Variants in MICU1 observed in about 807,000 individuals in gnomAD.
MICU1 encodes mitochondrial calcium uptake 1, also known as calcium uptake protein 1, mitochondrial.
In MICU1, 45 loss-of-function variants were observed where a neutral mutation model predicts 56.8. The observed-to-expected ratio is 0.79, with a 90% CI of 0.62 to 1.02. MICU1 has a LOEUF of 1.02. MICU1 is among the 50% of genes least tolerant of loss of function. MICU1 has a pLI of 0.00. For synonymous variants in MICU1, 186 were observed against 195.1 expected, an observed-to-expected ratio of 0.95 and a Z score of 0.39; for missense variants, 504 against 587.1, an observed-to-expected ratio of 0.86 and a Z score of 1.46.
At chr10:72,621,248 A>C (rs556010430) in intron 1 of MICU1, among the ~76,000 whole-genome samples, 1 of 152,262 alleles carries the variant, frequency 6.6e-6, no homozygotes, top group East Asian at 1.9e-4. Context: ...CTATAATCCC[A>C]GCACTTTGGC....
At chr10:72,482,545 C>A (rs1866333537) in intron 6 of MICU1, among the ~76,000 whole-genome samples, 1 of 152,078 alleles carries the variant, frequency 6.6e-6, no homozygotes, top group African/African-American at 2.4e-5. Flanking sequence ...GGAGAGGTCA[C>A]CACTTCTGAG....
intron 8 of MICU1, 95 bp downstream of exon 8, chr10:72,475,005 C>T (rs1866068276): frequency 2.8e-6 from 3 of 1,067,320 alleles, no homozygotes; most frequent in South Asian, 1.7e-5. Context: ...TCAGTTCTCA[C>T]AGCTGGAGGT....
chr10:72,424,348 G>C (rs1189529094), intron 8 of MICU1, among the ~76,000 whole-genome samples: 1 of 151,986 alleles, frequency 6.6e-6, no homozygotes, highest in Non-Finnish European at 1.5e-5. Flanking sequence ...CCTGACCTCA[G>C]GTGATCCACT....
chr10:72,449,687 A>T (rs193204461), intron 8 of MICU1, among the ~76,000 whole-genome samples: 16 of 152,320 alleles, frequency 1.1e-4, no homozygotes, highest in Admixed American at 3.9e-4. Flanking sequence ...AAGAAACATA[A>T]ACGATACTTC....
At chr10:72,401,801 C>G (rs1375634593) in intron 10 of MICU1, among the ~76,000 whole-genome samples, 1 of 152,102 alleles carries the variant, frequency 6.6e-6, no homozygotes, top group East Asian at 1.9e-4. Context: ...TGTAAACTAG[C>G]TCTCTAGAAC....
At chr10:72,393,798 GCT>G (rs1320349450) in intron 10 of MICU1, among the ~76,000 whole-genome samples, 8 of 152,114 alleles carry the variant, frequency 5.3e-5, no homozygotes, top group Non-Finnish European at 1.0e-4. Flanking sequence ...ACGGAGTCTT[GCT>G]CTGTCACCAG....
chr10:72,596,401 G>T (rs1841382893), intron 1 of MICU1, among the ~76,000 whole-genome samples: 1 of 152,122 alleles, frequency 6.6e-6, no homozygotes, highest in Admixed American at 6.6e-5. Context: ...TCATGCCACT[G>T]TGCTCCAGCC....
intron 6 of MICU1, among the ~76,000 whole-genome samples, chr10:72,493,170 T>G (rs546582222): frequency 2.7e-4 from 41 of 152,218 alleles, no homozygotes; most frequent in African/African-American, 9.6e-4. Flanking sequence ...AATAATAAGA[T>G]GTATATGTAT....
intron 6 of MICU1, chr10:72,477,632 A>G (rs2132273774): frequency 1.6e-6 from 2 of 1,235,174 alleles, no homozygotes; most frequent in Non-Finnish European, 2.3e-6. Context: ...CTAGGGTGAG[A>G]CATATTGCTG....
chr10:72,491,344 C>T (rs576380195), intron 6 of MICU1, among the ~76,000 whole-genome samples: 1 of 152,316 alleles, frequency 6.6e-6, no homozygotes, highest in East Asian at 1.9e-4. Flanking sequence ...GAAAACACTG[C>T]AGTGACTCCA....
rs538306740 is a variant in MICU1 at position 72,594,813 on chromosome 10, G to C, written c.-1-28019C>G. On this transcript the variant is annotated intron_variant, in intron 1 of 11. Coordinates refer to ENST00000361114, the MANE Select transcript of MICU1 (RefSeq NM_001195518.2). Reference sequence around the variant, plus strand: ...TAGTCCCAGCTACTGGGGAGGCTGAGGAAGGACGATCACTTGAGCCCAGGA... The same window carrying C: ...TAGTCCCAGCTACTGGGGAGGCTGACGAAGGACGATCACTTGAGCCCAGGA... Among the ~76,000 whole-genome samples, 497 of 151,176 alleles carry C rather than the reference G, an allele frequency of 3.3e-3. 1 individual carries two copies. Among genetic ancestry groups the C allele is most frequent in the Non-Finnish European group, 5.3e-3 (356 of 67,800 alleles).
chr10:72,551,287 G>A lies in MICU1; in HGVS notation c.385C>T (p.Arg129Ter), dbSNP rs369069489. 31 of 1,613,144 alleles carry A rather than the reference G, an allele frequency of 1.9e-5. No homozygotes were observed. Among genetic ancestry groups the A allele is most frequent in the East Asian group, 4.5e-5 (2 of 44,854 alleles). ...ATGACTTTCAAGGTGGCAAAATATC[G>A]GAAGATTTTGTCTGGCGTGGAGTAG... The part of the protein sequence containing the change: ...RAYSTPDKIF[R>*]YFATLKVISE... Residue 129 changes from arginine to a stop codon, truncating the protein, a stop_gained, in exon 4 of 12, where the codon CGA becomes TGA. Coordinates refer to ENST00000361114, the MANE Select transcript of MICU1 (RefSeq NM_001195518.2). LOFTEE classifies it high-confidence loss of function.
chr10:72,503,865 GACAC>G (rs59119352), intron 6 of MICU1, among the ~76,000 whole-genome samples: 67,042 of 146,184 alleles, frequency 0.46, 16,675 homozygotes, highest in Non-Finnish European at 0.6. Flanking sequence ...ATTTACAATA[GACAC>G]ACACACACAC....
chr10:72,458,918 A>C, intron 8 of MICU1, among the ~76,000 whole-genome samples: 1 of 143,830 alleles, frequency 7.0e-6, no homozygotes, highest in African/African-American at 2.6e-5. Flanking sequence ...TTGTAGAGAC[A>C]TTATCTTCCT....
intron 8 of MICU1, among the ~76,000 whole-genome samples, chr10:72,450,449 T>C (rs1333908899): frequency 6.6e-6 from 1 of 151,712 alleles, no homozygotes; most frequent in Non-Finnish European, 1.5e-5. Flanking sequence ...GGTGGTCAGA[T>C]GAGATGATGT....
Position 72,368,150 on chromosome 10 carries a change from G to T in MICU1, c.*45C>A. 1.3e-6 allele frequency: 2 copies of T among 1,582,214 alleles called. No individual in the cohort carries two copies. The highest frequency in any genetic ancestry group is 2.2e-4 in the Middle Eastern group (1 of 4,500). ...GCTCTGCCGAGACTCTGCGGAGGGG[G>T]TCCAGGGTACTGGGGGTGGAGGGGT... On this transcript the variant is annotated 3_prime_UTR_variant, in exon 12 of 12. Transcript: ENST00000361114.
chr10:72,558,141 C>A (rs1347713555), intron 3 of MICU1, among the ~76,000 whole-genome samples: 6 of 152,170 alleles, frequency 3.9e-5, no homozygotes, highest in Non-Finnish European at 7.4e-5. Context: ...TTTCTGTAAA[C>A]GGATCTCACA....
intron 10 of MICU1, among the ~76,000 whole-genome samples, chr10:72,381,039 C>G (rs1862685515): frequency 6.6e-6 from 1 of 152,184 alleles, no homozygotes; most frequent in Admixed American, 6.5e-5. Flanking sequence ...TATTCAACAG[C>G]AATCCAACGA....
At chr10:72,420,662 T>A (rs1378045943) in intron 9 of MICU1, among the ~76,000 whole-genome samples, 3 of 151,588 alleles carry the variant, frequency 2.0e-5, no homozygotes, top group African/African-American at 7.3e-5. Context: ...GTGTGTGTGT[T>A]CTCTTAGAGG....
Sources: allele counts gnomAD v4.1 joint callset (sites outside exome capture counted in the v4.1 genomes callset), GRCh38; gene constraint gnomAD v4.1.1; transcripts MANE v1.5; gene names NCBI Gene and HGNC (gene_info 2026-07-23, HGNC 2026-07-21).